The following ENTREP2 variants were observed in gnomAD, a reference collection of about 807,000 sequenced individuals.
ENTREP2 encodes endosomal transmembrane epsin interactor 2, also known as protein ENTREP2.
At chr15:29,643,889 G>A in the ENTREP2 span, among the ~76,000 whole-genome samples, 1 of 152,010 alleles carries the variant, frequency 6.6e-6, no homozygotes, top group African/African-American at 2.4e-5. Context: ...GAACAGACTG[G>A]CCATTCCTCA....
chr15:29,527,441 T>C, the ENTREP2 span, among the ~76,000 whole-genome samples: 1 of 152,196 alleles, frequency 6.6e-6, no homozygotes, highest in African/African-American at 2.4e-5. Flanking sequence ...AAAACATTCC[T>C]AGAAAAATAA....
At chr15:29,129,794 G>A in the ENTREP2 span, among the ~76,000 whole-genome samples, 2 of 152,166 alleles carry the variant, frequency 1.3e-5, no homozygotes, top group African/African-American at 2.4e-5. Context: ...GGGCATCAGG[G>A]CCTCCCGGAT....
At chr15:29,243,513 T>C in the ENTREP2 span, among the ~76,000 whole-genome samples, 2 of 152,122 alleles carry the variant, frequency 1.3e-5, no homozygotes, top group African/African-American at 4.8e-5. Flanking sequence ...TTACTGTTAC[T>C]CAACTATAAA....
the ENTREP2 span, among the ~76,000 whole-genome samples, chr15:29,492,308 A>G: frequency 6.6e-6 from 1 of 152,234 alleles, no homozygotes; most frequent in Non-Finnish European, 1.5e-5. Flanking sequence ...TTAGGAATGC[A>G]CTGATTATTA....
the ENTREP2 span, among the ~76,000 whole-genome samples, chr15:29,588,596 G>C: frequency 6.5e-4 from 96 of 148,658 alleles, no homozygotes; most frequent in Non-Finnish European, 1.2e-3. Context: ...AGGGAGGAAG[G>C]AAGGAAGGAA....
chr15:29,295,061 A>AG, the ENTREP2 span, among the ~76,000 whole-genome samples: 1 of 152,370 alleles, frequency 6.6e-6, no homozygotes, highest in East Asian at 1.9e-4. Context: ...ACAGGGTGAC[A>AG]GGGGTCAGTT....
At chr15:29,536,378 T>C in the ENTREP2 span, among the ~76,000 whole-genome samples, 1 of 152,140 alleles carries the variant, frequency 6.6e-6, no homozygotes, top group African/African-American at 2.4e-5. Context: ...CTTGATAATG[T>C]CACCGAGGCA....
chr15:29,312,734 T>C, the ENTREP2 span, among the ~76,000 whole-genome samples: 2 of 152,146 alleles, frequency 1.3e-5, no homozygotes, highest in Non-Finnish European at 2.9e-5. Context: ...CCCCTGCCTA[T>C]CTGTTCCCTG....
the ENTREP2 span, among the ~76,000 whole-genome samples, chr15:29,169,077 TTC>T: frequency 2.1e-4 from 32 of 152,228 alleles, no homozygotes; most frequent in Non-Finnish European, 3.8e-4. Context: ...CAAAAAAAGT[TTC>T]TGTGTGTATA....
At chr15:29,368,567 T>A in the ENTREP2 span, among the ~76,000 whole-genome samples, 1 of 151,582 alleles carries the variant, frequency 6.6e-6, no homozygotes, top group Non-Finnish European at 1.5e-5. Flanking sequence ...AATGAAGAGA[T>A]AGAAATTATA....
At chr15:29,602,436 T>C in the ENTREP2 span, among the ~76,000 whole-genome samples, 2 of 152,318 alleles carry the variant, frequency 1.3e-5, no homozygotes, top group African/African-American at 4.8e-5. Context: ...TTAAGCAAAA[T>C]CTCTACCTAT....
At chr15:29,487,858 A>C in the ENTREP2 span, among the ~76,000 whole-genome samples, 2 of 152,120 alleles carry the variant, frequency 1.3e-5, no homozygotes, top group African/African-American at 4.8e-5. Flanking sequence ...ACACCTGGCT[A>C]ATTTTTCTAT....
At chr15:29,136,459 C>A in the ENTREP2 span, 1 of 1,547,872 alleles carries the variant, frequency 6.5e-7, no homozygotes, top group African/African-American at 1.4e-5. Flanking sequence ...CCACGTCATA[C>A]AAAGTGCCGA....
chr15:29,415,833 A>G, the ENTREP2 span, among the ~76,000 whole-genome samples: 5 of 152,188 alleles, frequency 3.3e-5, no homozygotes, highest in Admixed American at 3.3e-4. Context: ...TGCAAAAATC[A>G]CAAGCATTCT....
At chr15:29,145,301 GACA>G in the ENTREP2 span, among the ~76,000 whole-genome samples, 2 of 152,092 alleles carry the variant, frequency 1.3e-5, no homozygotes, top group African/African-American at 4.8e-5. Context: ...AAAAGCATTT[GACA>G]AAATCCAACT....
At chr15:29,589,619 G>T in the ENTREP2 span, among the ~76,000 whole-genome samples, 1 of 152,164 alleles carries the variant, frequency 6.6e-6, no homozygotes, top group African/African-American at 2.4e-5. Context: ...CTTTCCCTCC[G>T]CTACCTCTGC....
the ENTREP2 span, among the ~76,000 whole-genome samples, chr15:29,415,015 T>C: frequency 6.6e-6 from 1 of 152,044 alleles, no homozygotes; most frequent in Non-Finnish European, 1.5e-5. Flanking sequence ...AATTAATAGC[T>C]TACCAACCAA....
chr15:29,223,773 G>A, the ENTREP2 span, among the ~76,000 whole-genome samples: 1 of 152,114 alleles, frequency 6.6e-6, no homozygotes, highest in African/African-American at 2.4e-5. Flanking sequence ...TGCGCCTGCA[G>A]CCCTTTCCCC....
At chr15:29,198,491 T>TA in the ENTREP2 span, among the ~76,000 whole-genome samples, 8 of 152,236 alleles carry the variant, frequency 5.3e-5, no homozygotes, top group African/African-American at 1.4e-4. Context: ...ATGTTGGACT[T>TA]AGACATTTTT....
Sources: allele counts gnomAD v4.1 joint callset (sites outside exome capture counted in the v4.1 genomes callset), GRCh38; gene constraint gnomAD v4.1.1; transcripts MANE v1.5; gene names NCBI Gene and HGNC (gene_info 2026-07-23, HGNC 2026-07-21).